YBX3: variants seen among roughly 807,000 people sequenced by gnomAD.
YBX3 encodes Y-box-binding protein 3.
Under a neutral mutation model 42.4 loss-of-function variants are expected in YBX3, and 29 were observed. That is an observed-to-expected ratio of 0.68 (90% CI 0.51 to 0.93). YBX3 has a LOEUF of 0.93. Ranked by LOEUF, YBX3 falls within the 40% of genes least tolerant of loss-of-function variation. The pLI, the probability that YBX3 is intolerant of heterozygous loss-of-function variation, is 0.00. For synonymous variants in YBX3, 195 were observed against 189.8 expected (o/e 1.03, Z -0.22); for missense variants, 517 against 527.5 (o/e 0.98, Z 0.19).
At chr12:10,709,770 C>G in intron 6 of YBX3, 138 bp downstream of exon 6, 2 of 1,070,792 alleles carry the variant, frequency 1.9e-6, no homozygotes, top group South Asian at 2.7e-5. Flanking sequence ...GACTGAAGGC[C>G]TTGCCTCAGC....
Position 10,718,139 on chromosome 12 carries a change from G to C in YBX3, c.327-18C>G, listed in dbSNP as rs1948284074. Reference sequence around the variant, plus strand: ...TGTCATTTCTGTTGAAAGACAAAAAGCTCACAATTAAAGGTAGTACGTATG... The same window carrying C: ...TGTCATTTCTGTTGAAAGACAAAAACCTCACAATTAAAGGTAGTACGTATG... On this transcript the variant is annotated intron_variant, in intron 2 of 9. Coordinates refer to ENST00000228251, the MANE Select transcript of YBX3 (RefSeq NM_003651.5). The C allele has an allele frequency of 6.2e-7, 1 of 1,610,884 alleles. No homozygotes were observed. Among genetic ancestry groups the C allele is most frequent in the Non-Finnish European group, 8.5e-7 (1 of 1,178,582 alleles).
At chr12:10,703,581 G>A (rs962369129) in intron 7 of YBX3, 10 of 438,986 alleles carry the variant, frequency 2.3e-5, no homozygotes, top group Admixed American at 1.0e-4. Context: ...ACTCTGTTGC[G>A]CAGGCTGGAA....
intron 6 of YBX3, among the ~76,000 whole-genome samples, chr12:10,707,280 C>T (rs1213563116): frequency 6.6e-6 from 1 of 152,190 alleles, no homozygotes; most frequent in Non-Finnish European, 1.5e-5. Flanking sequence ...AACACCTCCA[C>T]TTGTACGTGA....
intron 4 of YBX3, among the ~76,000 whole-genome samples, chr12:10,714,633 T>C (rs1167605548): frequency 6.6e-6 from 1 of 152,230 alleles, no homozygotes; most frequent in Non-Finnish European, 1.5e-5. Flanking sequence ...ATATTCAATT[T>C]CGATCTCCTT....
intron 9 of YBX3, among the ~76,000 whole-genome samples, chr12:10,700,434 T>G (rs537585965): frequency 1.3e-5 from 2 of 151,970 alleles, no homozygotes; most frequent in Non-Finnish European, 2.9e-5. Flanking sequence ...GTATAAGAAC[T>G]AAAGTCTCAG....
intron 3 of YBX3, 25 bp from the exon 4 acceptor site, chr12:10,715,808 T>C: frequency 3.1e-6 from 5 of 1,593,002 alleles, no homozygotes; most frequent in African/African-American, 2.7e-5. Flanking sequence ...GAAAATTTTA[T>C]TCGATGTATA....
chr12:10,706,116 ATG>A (rs1430336533), intron 6 of YBX3, among the ~76,000 whole-genome samples: 1 of 152,208 alleles, frequency 6.6e-6, no homozygotes. Flanking sequence ...TTACACATAT[ATG>A]TGTGTCTATG....
chr12:10,713,270 C>A lies in YBX3; in HGVS notation c.514G>T (p.Ala172Ser). ...GVPVEGSRYA[A>S]DRRRYRRGYY... ...CCACGTCTGTAACGGCGCCGATCTG[C>A]AGCGTAACGACTCCCTTCCACAGGA... Residue 172 changes from alanine to serine, a missense_variant, in exon 5 of 10, where the codon GCA (alanine) becomes TCA (serine). Around this residue, in one of 3 missense-constraint regions of YBX3, gnomAD observed 420 missense variants for 408.5 expected, o/e 1.03. Coordinates refer to ENST00000228251, the MANE Select transcript of YBX3 (RefSeq NM_003651.5). The A allele has an allele frequency of 1.9e-6, 3 of 1,614,068 alleles. No individual in the cohort carries two copies. The highest frequency in any genetic ancestry group is 2.5e-6 in the Non-Finnish European group (3 of 1,180,022).
Position 10,719,193 on chromosome 12 carries a change from T to C in YBX3, c.263-50A>G, listed in dbSNP as rs369340744. The C allele has an allele frequency of 9.8e-5, 143 of 1,457,550 alleles. No individual in the cohort carries two copies. In the East Asian group the frequency reaches 1.6e-3, roughly 16 times the overall value. The allele number at this position is 1,457,550 out of a possible 1,614,324, so 90.3% of individuals were successfully genotyped here. A position where few individuals can be genotyped will look rare whatever the true frequency, so the allele number is the denominator to read the frequency against. On this transcript the variant is annotated intron_variant, in intron 1 of 9. Transcript: ENST00000228251. ...TTAGTATCTGACCTACAGAGAGATA[T>C]AGCTCATATCACTAAGATCTTGATA...
rs576743920 is a variant in YBX3 at position 10,713,930 on chromosome 12, C to T, written c.451-597G>A. On this transcript the variant is annotated intron_variant, in intron 4 of 9. Transcript: ENST00000228251. ...TTTAGAATTCTTATTCTCATATGGA[C>T]AAATGGAAAATGTTTCAAAAATGTT... 3.3e-5 allele frequency among the ~76,000 whole-genome samples: 5 copies of T among 152,144 alleles called. No individual in the cohort carries two copies. In the South Asian group the frequency reaches 1.0e-3, roughly 32 times the overall value.
chr12:10,705,745 T>C (rs927315379), intron 6 of YBX3, among the ~76,000 whole-genome samples: 4 of 152,302 alleles, frequency 2.6e-5, no homozygotes, highest in Admixed American at 2.6e-4. Flanking sequence ...AATATATTGG[T>C]TTATTTATTT....
intron 6 of YBX3, 24 bp downstream of exon 6, chr12:10,709,884 G>A (rs1287527612): frequency 4.3e-6 from 7 of 1,612,838 alleles, no homozygotes; most frequent in African/African-American, 1.3e-5. Context: ...GATTGCTGAA[G>A]AGAAGTCTCA....
At chr12:10,706,114 A>G (rs530864853) in intron 6 of YBX3, among the ~76,000 whole-genome samples, 29 of 152,220 alleles carry the variant, frequency 1.9e-4, no homozygotes, top group Admixed American at 3.9e-4. Context: ...TGTTACACAT[A>G]TATGTGTGTC....
chr12:10,716,478 A>G (rs774578013), intron 3 of YBX3, among the ~76,000 whole-genome samples: 5 of 152,334 alleles, frequency 3.3e-5, no homozygotes, highest in Non-Finnish European at 5.9e-5. Context: ...ATACATTAAA[A>G]GGTTAGTGAA....
At chr12:10,722,339 GC>G (rs1948336654) in intron 1 of YBX3, 1 of 152,376 alleles carries the variant, frequency 6.6e-6, no homozygotes, top group South Asian at 2.1e-4. Context: ...CTGGCAAGAA[GC>G]TTTTCTATCT....
chr12:10,707,937 GAATTAA>G (rs1427158366), intron 6 of YBX3, among the ~76,000 whole-genome samples: 1 of 152,200 alleles, frequency 6.6e-6, no homozygotes, highest in Non-Finnish European at 1.5e-5. Flanking sequence ...AGAACAAAAT[GAATTAA>G]AATTAAGTTC....
chr12:10,709,526 A>C (rs922480657), intron 6 of YBX3, among the ~76,000 whole-genome samples: 3 of 152,220 alleles, frequency 2.0e-5, no homozygotes, highest in Admixed American at 2.0e-4. Context: ...TAATGGATGA[A>C]CTTAATCTAA....
rs1948078173 is a variant in YBX3 at position 10,701,463 on chromosome 12, C to G, written c.1054-110G>C. ...TTTCCTGTGAAGGAAAATTAGCATGCAAAAATTTAACTACTCTTAAGTATG... is the reference window on the plus strand; with the variant it reads ...TTTCCTGTGAAGGAAAATTAGCATGGAAAAATTTAACTACTCTTAAGTATG... On this transcript the variant is annotated intron_variant, in intron 8 of 9. Coordinates refer to ENST00000228251, the MANE Select transcript of YBX3 (RefSeq NM_003651.5). 4 of 660,500 alleles carry G rather than the reference C, an allele frequency of 6.1e-6. No individual in the cohort carries two copies. The South Asian group carries it at 6.4e-5, about 11-fold the overall frequency. The allele number at this position is 660,500 out of a possible 1,614,324, so 40.9% of individuals were successfully genotyped here. A position where few individuals can be genotyped will look rare whatever the true frequency, so the allele number is the denominator to read the frequency against.
chr12:10,722,211 G>T (rs988093216), intron 1 of YBX3: 1 of 152,308 alleles, frequency 6.6e-6, no homozygotes, highest in African/African-American at 2.4e-5. Flanking sequence ...GTGGGACTAA[G>T]ACCCAAGTTT....
Sources: gnomAD v4.1 joint callset for allele counts (sites outside exome capture counted in the v4.1 genomes callset) on GRCh38, gnomAD v4.1.1 for gene constraint, gnomAD v4.1.1 regional missense constraint, MANE v1.5 for transcripts, NCBI Gene and HGNC (gene_info 2026-07-23, HGNC 2026-07-21) for gene names.